The following ZNF404 variants were observed in gnomAD, a reference collection of about 807,000 sequenced individuals.
ZNF404 encodes zinc finger protein 404.
Under a neutral mutation model 7.3 loss-of-function variants are expected in ZNF404, and 7 were observed. The ratio of observed to expected loss-of-function variants is 0.95; its 90% CI spans 0.54 to 1.79. The LOEUF (loss-of-function observed/expected upper bound fraction) is 1.79. Among genes scored for constraint, ZNF404 ranks in the 40% most tolerant of loss-of-function variants. The probability of loss-of-function intolerance (pLI) is 0.00; values close to 1 mark genes in which losing one functional copy is unlikely to be tolerated. For synonymous variants in ZNF404, 191 were observed against 209.9 expected (o/e 0.91, Z 0.78); for missense variants, 560 against 661.5 (o/e 0.85, Z 1.68).
At chr19:43,874,749 T>C (rs956603479) in intron 2 of ZNF404, among the ~76,000 whole-genome samples, 4 of 152,174 alleles carry the variant, frequency 2.6e-5, no homozygotes, top group African/African-American at 9.6e-5. Flanking sequence ...TCCCAATTAT[T>C]TGCCTTTATA....
chr19:43,881,957 CAAAAAA>C (rs56324784), intron 1 of ZNF404, among the ~76,000 whole-genome samples: 2 of 111,100 alleles, frequency 1.8e-5, no homozygotes, highest in Non-Finnish European at 1.9e-5. Context: ...AACTCTGTCT[CAAAAAA>C]AAAAAAAAAA....
intron 2 of ZNF404, 37 bp downstream of exon 2, chr19:43,879,973 G>A (rs1478880807): frequency 1.9e-6 from 3 of 1,609,958 alleles, no homozygotes; most frequent in South Asian, 2.2e-5. Context: ...ATATTCTAGA[G>A]AGCATATTGT....
At chr19:43,876,649 A>G (rs1319567748) in intron 2 of ZNF404, among the ~76,000 whole-genome samples, 1 of 152,212 alleles carries the variant, frequency 6.6e-6, no homozygotes, top group African/African-American at 2.4e-5. Context: ...GCTGGCTTCT[A>G]GCAAACAGAA....
At chr19:43,883,614 G>A (rs1971914613) in intron 1 of ZNF404, among the ~76,000 whole-genome samples, 1 of 152,138 alleles carries the variant, frequency 6.6e-6, no homozygotes, top group Non-Finnish European at 1.5e-5. Context: ...TTCCACTCCT[G>A]TAGTCAAATA....
chr19:43,880,659 C>T (rs1971888167), intron 1 of ZNF404, among the ~76,000 whole-genome samples: 1 of 152,042 alleles, frequency 6.6e-6, no homozygotes, highest in African/African-American at 2.4e-5. Flanking sequence ...AGACAGAAAA[C>T]ATTGCGCAAT....
Position 43,873,697 on chromosome 19 carries a change from G to T in ZNF404, c.517C>A (p.His173Asn). Residue 173 changes from histidine to asparagine, a missense_variant, in exon 3 of 3, where the codon CAT (histidine) becomes AAT (asparagine). Physicochemically the swap from His to Asn is moderately conservative, Grantham distance 68. Transcript: ENST00000587539. ...ECGKAFVVFQHFIRHRKIHTD... is the reference protein window; with the variant it reads ...ECGKAFVVFQNFIRHRKIHTD... ...TGGATTTTTCGATGTCTAATAAAAT[G>T]CTGGAAAACTACAAATGCTTTTCCA... 6.2e-7 allele frequency: 1 copy of T among 1,613,162 alleles called. No homozygotes were observed. Among genetic ancestry groups the T allele is most frequent in the Non-Finnish European group, 8.5e-7 (1 of 1,179,580 alleles).
In ZNF404 at chr19:43,873,732, C is replaced by T; in HGVS notation, c.482G>A (p.Cys161Tyr). The change falls in exon 3 of 3, where the codon TGT (cysteine) becomes TAT (tyrosine). Residue 161 changes from cysteine to tyrosine, a missense_variant. By Grantham distance (194) the Cys-to-Tyr change is radical. Coordinates refer to ENST00000587539, the MANE Select transcript of ZNF404 (RefSeq NM_001033719.3). ...TACAAATGCTTTTCCACATTCATTACATTCATAGGGTATCACACCAGTATG... is the reference window on the plus strand; with the variant it reads ...TACAAATGCTTTTCCACATTCATTATATTCATAGGGTATCACACCAGTATG... ...RDHTGVIPYE[C>Y]NECGKAFVVF... 6.2e-7 allele frequency: 1 copy of T among 1,608,110 alleles called. No homozygotes were observed. The highest frequency in any genetic ancestry group is 8.5e-7 in the Non-Finnish European group (1 of 1,179,618).
At chr19:43,874,956 T>C (rs1260820859) in intron 2 of ZNF404, among the ~76,000 whole-genome samples, 2 of 152,166 alleles carry the variant, frequency 1.3e-5, no homozygotes, top group Non-Finnish European at 2.9e-5. Context: ...ATAAAGGTCA[T>C]TGGAAAAGAG....
intron 1 of ZNF404, among the ~76,000 whole-genome samples, chr19:43,882,644 G>A (rs1163651263): frequency 6.6e-6 from 1 of 151,964 alleles, no homozygotes; most frequent in African/African-American, 2.4e-5. Context: ...ATGAAAAAAT[G>A]GCCAAGTATG....
chr19:43,873,896 A>G lies in ZNF404; in HGVS notation c.318T>C (p.Cys106=), dbSNP rs1440099270. The change falls in exon 3 of 3, where the codon TGT becomes TGC. Residue 106 remains cysteine, a synonymous_variant. Transcript: ENST00000587539. ...FGRQQRPKVG[C]FSQMIFKKHK... ...GTTTTTTGAATATCATTTGACTAAAACATCCCACTTTAGGTCTCTGTTGTC... is the reference window on the plus strand; with the variant it reads ...GTTTTTTGAATATCATTTGACTAAAGCATCCCACTTTAGGTCTCTGTTGTC... The G allele has an allele frequency of 1.2e-6, 2 of 1,613,076 alleles. No homozygotes were observed. The highest frequency in any genetic ancestry group is 2.2e-5 in the East Asian group (1 of 44,802).
Position 43,873,080 on chromosome 19 carries a change from A to T in ZNF404, c.1134T>A (p.Thr378=). 6.2e-7 allele frequency: 1 copy of T among 1,612,926 alleles called. No individual in the cohort carries two copies. Among genetic ancestry groups the T allele is most frequent in the South Asian group, 1.1e-5 (1 of 91,014 alleles). Residue 378 remains threonine, a synonymous_variant, in exon 3 of 3, where the codon ACT becomes ACA. Coordinates refer to ENST00000587539, the MANE Select transcript of ZNF404 (RefSeq NM_001033719.3). The stretch of plus-strand genomic sequence containing the variant: ...CTTTACATTCATGTGGCTTCTCACC[A>T]GTATGAATTCTCTGATGCTGTGTAA... ...SQLTQHQRIH[T]GEKPHECKEC...
rs1971829848 is a variant in ZNF404, at chr19:43,873,616, A to G, written c.598T>C (p.Ser200Pro). Residue 200 changes from serine (S) to proline (P), a missense_variant, in exon 3 of 3, where the codon TCA (serine) becomes CCA (proline). By Grantham distance (74) the Ser-to-Pro change is moderately conservative (BLOSUM62 -1). Transcript: ENST00000587539. ...NGCEKAFRFY[S>P]QLIQHQIIHT... ...ATTATCTGATGCTGAATAAGCTGTG[A>G]ATAAAACCTAAAGGCCTTCTCACAT... is the stretch of plus-strand genomic sequence containing the variant. 6.2e-7 allele frequency: 1 copy of G among 1,613,400 alleles called. No homozygotes were observed. Among genetic ancestry groups the G allele is most frequent in the African/African-American group, 1.3e-5 (1 of 74,844 alleles).
In ZNF404 at chr19:43,873,455, T is replaced by A. The variant is rs1329451184; in HGVS notation, c.759A>T (p.Arg253Ser). The A allele has an allele frequency of 1.2e-6, 2 of 1,613,468 alleles. No individual in the cohort carries two copies. The highest frequency in any genetic ancestry group is 1.7e-6 in the Non-Finnish European group (2 of 1,179,680). Reference sequence around the variant, plus strand: ...GATGCAGACACATATGTCGATATAATCTAAACGTTTCCCCACATTCCTTAC... The same window carrying A: ...GATGCAGACACATATGTCGATATAAACTAAACGTTTCCCCACATTCCTTAC... ...FECKECGETF[R>S]LYRHMCLHQK... The change falls in exon 3 of 3, where the codon AGA becomes AGT. Residue 253 changes from arginine (R) to serine (S), a missense_variant. Physicochemically the swap from Arg to Ser is moderately radical, Grantham distance 110. Coordinates refer to ENST00000587539, the MANE Select transcript of ZNF404 (RefSeq NM_001033719.3).
At chr19:43,877,566 TTTTA>T (rs757958200) in intron 2 of ZNF404, among the ~76,000 whole-genome samples, 31 of 151,994 alleles carry the variant, frequency 2.0e-4, no homozygotes, top group Non-Finnish European at 3.1e-4. Context: ...TTTACTTTAT[TTTTA>T]TTTATTTATT....
At chr19:43,878,397 T>C (rs1040181024) in intron 2 of ZNF404, among the ~76,000 whole-genome samples, 14 of 152,008 alleles carry the variant, frequency 9.2e-5, no homozygotes, top group African/African-American at 3.4e-4. Flanking sequence ...GAAGTGTCTG[T>C]TCATGTCCTT....
In ZNF404 at chr19:43,873,827, T is replaced by G; in HGVS notation, c.387A>C (p.Lys129Asn). 6.2e-7 allele frequency: 1 copy of G among 1,605,286 alleles called. No individual in the cohort carries two copies. Among genetic ancestry groups the G allele is most frequent in the South Asian group, 1.1e-5 (1 of 91,056 alleles). Residue 129 changes from lysine (K) to asparagine (N), a missense_variant, in exon 3 of 3, where the codon AAA becomes AAC. Transcript: ENST00000587539. ...TCTTATATTCCTTACACTCATATGATTTCTCTCTTGTGTTATTTCTCTTAT... is the reference window on the plus strand; with the variant it reads ...TCTTATATTCCTTACACTCATATGAGTTCTCTCTTGTGTTATTTCTCTTAT... ...PLHKRNNTRE[K>N]SYECKEYKKG...
Position 43,873,864 on chromosome 19 carries a change from G to C in ZNF404, c.350C>G (p.Ser117Cys). Residue 117 changes from serine to cysteine, a missense_variant, in exon 3 of 3, where the codon TCC becomes TGC. By Grantham distance (112) the Ser-to-Cys change is moderately radical. Coordinates refer to ENST00000587539, the MANE Select transcript of ZNF404 (RefSeq NM_001033719.3). ...FSQMIFKKHK[S>C]LPLHKRNNTR... is the part of the protein sequence containing the mutation. ...GTTATTTCTCTTATGTAGAGGAAGG[G>C]ATTTATGTTTTTTGAATATCATTTG... 1 of 1,612,712 alleles carries C rather than the reference G, an allele frequency of 6.2e-7. No individual in the cohort carries two copies. The highest frequency in any genetic ancestry group is 8.5e-7 in the Non-Finnish European group (1 of 1,179,446).
At chr19:43,882,140 T>A (rs904845350) in intron 1 of ZNF404, among the ~76,000 whole-genome samples, 3 of 152,116 alleles carry the variant, frequency 2.0e-5, no homozygotes, top group African/African-American at 7.2e-5. Flanking sequence ...ATAAAGAGTA[T>A]GTGGTGTTTG....
chr19:43,875,564 A>G (rs1971845884), intron 2 of ZNF404, among the ~76,000 whole-genome samples: 1 of 152,240 alleles, frequency 6.6e-6, no homozygotes, highest in African/African-American at 2.4e-5. Context: ...AAAATGGGGC[A>G]AGAGTCTAGG....
Sources: gnomAD v4.1 joint callset for allele counts (sites outside exome capture counted in the v4.1 genomes callset) on GRCh38, gnomAD v4.1.1 for gene constraint, MANE v1.5 for transcripts, NCBI Gene and HGNC (gene_info 2026-07-23, HGNC 2026-07-21) for gene names.